The following HTR2C variants were observed in gnomAD, a reference collection of about 807,000 sequenced individuals.
The protein encoded by HTR2C is 5-hydroxytryptamine (serotonin) receptor 2C, G protein-coupled.
A neutral mutation model predicts 21.0 loss-of-function variants in HTR2C; 5 were observed. The ratio of observed to expected loss-of-function variants is 0.24; its 90% CI spans 0.12 to 0.50. The LOEUF (loss-of-function observed/expected upper bound fraction) is 0.50, where lower values mean the gene tolerates loss of function less well. Among genes scored for constraint, HTR2C ranks in the 20% least tolerant of loss-of-function variants. The pLI, the probability that HTR2C is intolerant of heterozygous loss-of-function variation, is 0.98. For synonymous variants in HTR2C, 150 were observed against 145.3 expected (o/e 1.03, Z -0.23); for missense variants, 271 against 371.2 (o/e 0.73, Z 2.22).
chrX:114,901,608 C>T (rs930763386), intron 5 of HTR2C, among the ~76,000 whole-genome samples: 3 of 111,990 alleles, frequency 2.7e-5, no homozygotes, highest in Middle Eastern at 4.3e-3. Context: ...TATATGTTTA[C>T]TGAAGGCACT....
At position 114,906,626 on chromosome X, in the gene HTR2C, C is replaced by T; in HGVS notation, c.588C>T (p.Asp196=). The T allele has an allele frequency of 2.5e-6, 3 of 1,207,630 alleles. No homozygotes were observed. The highest frequency in any genetic ancestry group is 3.4e-6 in the Non-Finnish European group (3 of 893,191). Residue 196 remains aspartate, a synonymous_variant, in exon 6 of 6, where the codon GAC becomes GAT. Coordinates refer to ENST00000276198, the MANE Select transcript of HTR2C (RefSeq NM_000868.4). ...CTATCCCTGTGATTGGACTGAGGGA[C>T]GAAGAAAAGGTGTTCGTGAACAACA... The part of the protein sequence containing the change: ...SVPIPVIGLR[D]EEKVFVNNTT...
chrX:114,644,326 G>C (rs1485796452), intron 2 of HTR2C, among the ~76,000 whole-genome samples: 5 of 92,254 alleles, frequency 5.4e-5, no homozygotes, highest in African/African-American at 2.0e-4. Flanking sequence ...GGGTGGCAGA[G>C]TAAGGGAGAC....
chrX:114,700,413 T>C (rs1932426304), intron 2 of HTR2C, among the ~76,000 whole-genome samples: 2 of 111,898 alleles, frequency 1.8e-5, no homozygotes. Flanking sequence ...CAAGGATGTT[T>C]TGCTGATGGG....
At chrX:114,619,541 C>T (rs1929074004) in intron 2 of HTR2C, among the ~76,000 whole-genome samples, 1 of 111,482 alleles carries the variant, frequency 9.0e-6, no homozygotes, top group African/African-American at 3.3e-5. Context: ...TCTCTGATCA[C>T]AGGGCCTTGC....
intron 5 of HTR2C, among the ~76,000 whole-genome samples, chrX:114,880,312 T>C (rs1404372851): frequency 9.0e-6 from 1 of 110,932 alleles, no homozygotes; most frequent in Non-Finnish European, 1.9e-5. Context: ...TGGCCTTTTT[T>C]ATCTGCCTTG....
In HTR2C at chrX:114,637,720, T is replaced by C. The variant is rs187683560; in HGVS notation, c.-80+23839T>C. On this transcript the variant is annotated intron_variant, in intron 2 of 5. Coordinates refer to ENST00000276198, the MANE Select transcript of HTR2C (RefSeq NM_000868.4). ...CACCTTACAGAGTCATTGTAAAGGATCAGGTGCAGGAAGGAAAATTAAAAT... is the reference window on the plus strand; with the variant it reads ...CACCTTACAGAGTCATTGTAAAGGACCAGGTGCAGGAAGGAAAATTAAAAT... Among the ~76,000 whole-genome samples, 29 of 111,106 alleles carry C rather than the reference T, an allele frequency of 2.6e-4. No individual in the cohort carries two copies. In the East Asian group the frequency reaches 8.2e-3, roughly 31 times the overall value.
intron 4 of HTR2C, among the ~76,000 whole-genome samples, chrX:114,820,836 G>T (rs1387541233): frequency 9.0e-6 from 1 of 110,867 alleles, no homozygotes; most frequent in Non-Finnish European, 1.9e-5. Flanking sequence ...TATGTCTTTA[G>T]CAGTAGCATG....
At chrX:114,628,614 A>C (rs782313836) in intron 2 of HTR2C, among the ~76,000 whole-genome samples, 4 of 109,932 alleles carry the variant, frequency 3.6e-5, no homozygotes, top group African/African-American at 1.3e-4. Flanking sequence ...CTTAAATTTC[A>C]GTCCTCCAAA....
chrX:114,843,220 G>A (rs1432961829), intron 4 of HTR2C, among the ~76,000 whole-genome samples: 1 of 111,775 alleles, frequency 8.9e-6, no homozygotes, highest in Non-Finnish European at 1.9e-5. Context: ...CATGGAGTAA[G>A]AATTAAAGCA....
chrX:114,591,067 T>C (rs1203192150), intron 1 of HTR2C, among the ~76,000 whole-genome samples: 1 of 112,085 alleles, frequency 8.9e-6, no homozygotes, highest in African/African-American at 3.2e-5. Flanking sequence ...CTCTGAGTGA[T>C]CACGTCATGA....
chrX:114,633,502 G>A (rs1929710477), intron 2 of HTR2C, among the ~76,000 whole-genome samples: 1 of 111,406 alleles, frequency 9.0e-6, no homozygotes, highest in South Asian at 3.8e-4. Flanking sequence ...TCTATCTGGA[G>A]CAGATGGTGT....
At chrX:114,723,766 C>G (rs1432329353) in intron 2 of HTR2C, among the ~76,000 whole-genome samples, 5 of 109,510 alleles carry the variant, frequency 4.6e-5, no homozygotes, top group Non-Finnish European at 9.5e-5. Flanking sequence ...CCTTCATTTC[C>G]TTATGTACCC....
At chrX:114,748,762 A>T (rs2069729434) in intron 4 of HTR2C, among the ~76,000 whole-genome samples, 1 of 112,186 alleles carries the variant, frequency 8.9e-6, no homozygotes, top group Admixed American at 9.5e-5. Flanking sequence ...TAAATTTAAA[A>T]TGCAAAACTA....
intron 5 of HTR2C, among the ~76,000 whole-genome samples, chrX:114,894,425 C>T (rs2071280690): frequency 9.3e-6 from 1 of 107,611 alleles, no homozygotes; most frequent in Non-Finnish European, 1.9e-5. Context: ...TATATGATTC[C>T]ATTTATGTAA....
chrX:114,854,513 G>C (rs186295508), intron 5 of HTR2C, among the ~76,000 whole-genome samples: 118 of 110,010 alleles, frequency 1.1e-3, no homozygotes, highest in African/African-American at 3.7e-3. Context: ...ACCATGACTC[G>C]GTAACGTACA....
At chrX:114,850,613 A>C (rs1322522843) in intron 5 of HTR2C, among the ~76,000 whole-genome samples, 1 of 111,254 alleles carries the variant, frequency 9.0e-6, no homozygotes, top group Non-Finnish European at 1.9e-5. Flanking sequence ...GGTTGCAGTG[A>C]GCTATGATCG....
intron 4 of HTR2C, among the ~76,000 whole-genome samples, chrX:114,787,743 C>T (rs886815691): frequency 2.5e-4 from 28 of 110,373 alleles, no homozygotes; most frequent in African/African-American, 8.2e-4. Context: ...GTCAGGAGAT[C>T]GAGACCATCC....
intron 4 of HTR2C, among the ~76,000 whole-genome samples, chrX:114,770,773 C>T (rs1362216123): frequency 9.9e-6 from 1 of 101,475 alleles, no homozygotes; most frequent in Non-Finnish European, 2.0e-5. Context: ...CCATACTTTC[C>T]TGTTTCTTTT....
intron 4 of HTR2C, among the ~76,000 whole-genome samples, chrX:114,807,083 A>ATG (rs1190925957): frequency 0.042 from 1,496 of 35,250 alleles, 601 homozygotes; most frequent in Non-Finnish European, 0.083. Context: ...TATATACACC[A>ATG]TATATATACC....
Sources: gnomAD v4.1 joint callset for allele counts (sites outside exome capture counted in the v4.1 genomes callset) on GRCh38, gnomAD v4.1.1 for gene constraint, MANE v1.5 for transcripts, NCBI Gene and HGNC (gene_info 2026-07-23, HGNC 2026-07-21) for gene names.